The following MSANTD2 variants were observed in gnomAD, a reference collection of about 807,000 sequenced individuals.
MSANTD2 encodes myb/SANT-like DNA-binding domain-containing protein 2.
In MSANTD2, 19 loss-of-function variants were observed where a neutral mutation model predicts 52.6. That is an observed-to-expected ratio of 0.36 (90% CI 0.25 to 0.53). The LOEUF is 0.53. Among genes scored for constraint, MSANTD2 ranks in the 20% least tolerant of loss-of-function variants. The pLI, the probability that MSANTD2 is intolerant of heterozygous loss-of-function variation, is 0.91. For synonymous variants in MSANTD2, 291 were observed against 289.7 expected (o/e 1.00, Z -0.04); for missense variants, 558 against 716.3 (o/e 0.78, Z 2.52).
intron 1 of MSANTD2, among the ~76,000 whole-genome samples, chr11:124,778,224 G>A (rs1944819674): frequency 6.6e-6 from 1 of 152,098 alleles, no homozygotes; most frequent in Non-Finnish European, 1.5e-5. Flanking sequence ...ACCTCAATTT[G>A]GCTTTCTTGG....
chr11:124,800,381 C>G lies in MSANTD2; in HGVS notation c.-1G>C, dbSNP rs373880694. The G allele has an allele frequency of 1.6e-4, 242 of 1,510,602 alleles. No individual in the cohort carries two copies. Among genetic ancestry groups the G allele is most frequent in the Non-Finnish European group, 2.0e-4 (227 of 1,129,354 alleles). The allele number at this position is 1,510,602 out of a possible 1,614,324, so 93.6% of individuals were successfully genotyped here. ...GCTCCGAGCCACAGGGCGCAGCCAT[C>G]TTCCAAGCGGCCGCCGCTGCACCGC... On this transcript the variant is annotated 5_prime_UTR_variant, in exon 1 of 4. Coordinates refer to ENST00000374979, the MANE Select transcript of MSANTD2 (RefSeq NM_001308027.2). The surrounding 1 kb of genome is among the most constrained non-coding windows in gnomAD (Gnocchi z 4.3).
intron 1 of MSANTD2, chr11:124,791,085 G>A (rs1945317245): frequency 1.7e-6 from 1 of 583,684 alleles, no homozygotes; most frequent in African/African-American, 1.9e-5. Context: ...GAGATAACGT[G>A]TAAGGGACCA....
At chr11:124,785,539 T>C (rs542904087) in intron 1 of MSANTD2, among the ~76,000 whole-genome samples, 2 of 152,114 alleles carry the variant, frequency 1.3e-5, no homozygotes, top group South Asian at 2.1e-4. Context: ...TGAGGCAAGG[T>C]TGGACCTTGG....
rs148643432 is a variant in MSANTD2 at position 124,795,333 on chromosome 11, C to G, written c.510+4538G>C. Among the ~76,000 whole-genome samples, 260 of 152,308 alleles carry G rather than the reference C, an allele frequency of 1.7e-3. 1 individual carries two copies. The highest frequency in any genetic ancestry group is 6.0e-3 in the African/African-American group (248 of 41,570). On this transcript the variant is annotated intron_variant, in intron 1 of 3. Coordinates refer to ENST00000374979, the MANE Select transcript of MSANTD2 (RefSeq NM_001308027.2). The stretch of plus-strand genomic sequence containing the variant: ...AGACATAAAGCCAACTCTCAAGAGG[C>G]AAATTTTTGGAGAACACCCAAAAAT...
At chr11:124,796,793 C>T (rs1185210200) in intron 1 of MSANTD2, among the ~76,000 whole-genome samples, 1 of 152,066 alleles carries the variant, frequency 6.6e-6, no homozygotes, top group East Asian at 1.9e-4. Flanking sequence ...AAATCTAAAG[C>T]AAAAAGTATT....
intron 1 of MSANTD2, among the ~76,000 whole-genome samples, chr11:124,788,922 T>G (rs1241880672): frequency 7.2e-5 from 11 of 152,242 alleles, no homozygotes; most frequent in Admixed American, 6.5e-4. Flanking sequence ...TTTCCCTAAT[T>G]GTGTTAATTG....
rs1945665842 is a variant in MSANTD2, at chr11:124,800,406, C to T, written c.-26G>A. The T allele has an allele frequency of 6.9e-7, 1 of 1,440,436 alleles. No individual in the cohort carries two copies. Among genetic ancestry groups the T allele is most frequent in the Non-Finnish European group, 9.1e-7 (1 of 1,093,538 alleles). The allele number at this position is 1,440,436 out of a possible 1,614,324, so 89.2% of individuals were successfully genotyped here. ...CTTCCAAGCGGCCGCCGCTGCACCG[C>T]CCGGAAGTGACGCGCCCGCGCATCC... On this transcript the variant is annotated 5_prime_UTR_variant, in exon 1 of 4. Coordinates refer to ENST00000374979, the MANE Select transcript of MSANTD2 (RefSeq NM_001308027.2). The surrounding 1 kb of genome is among the most constrained non-coding windows in gnomAD (Gnocchi z 4.3).
intron 1 of MSANTD2, among the ~76,000 whole-genome samples, chr11:124,793,018 A>T (rs1945379242): frequency 6.6e-6 from 1 of 152,214 alleles, no homozygotes; most frequent in East Asian, 1.9e-4. Context: ...GATATCAAAA[A>T]GATACTGAGT....
intron 1 of MSANTD2, among the ~76,000 whole-genome samples, chr11:124,788,158 A>G (rs1259352345): frequency 1.3e-5 from 2 of 152,082 alleles, no homozygotes; most frequent in Non-Finnish European, 2.9e-5. Context: ...TGACTAACAC[A>G]CTGACATATA....
intron 1 of MSANTD2, among the ~76,000 whole-genome samples, chr11:124,788,956 A>G (rs1213662328): frequency 6.6e-6 from 1 of 152,196 alleles, no homozygotes; most frequent in Non-Finnish European, 1.5e-5. Context: ...TTTAAATATC[A>G]CATTATTTTC....
Position 124,798,234 on chromosome 11 carries a change from T to TAAAAAAAA in MSANTD2, c.510+1629_510+1636dup, listed in dbSNP as rs10601418. Among the ~76,000 whole-genome samples, 795 of 110,410 alleles carry TAAAAAAAA rather than the reference T, an allele frequency of 7.2e-3. 10 individuals are homozygous for TAAAAAAAA. The highest frequency in any genetic ancestry group is 8.7e-3 in the Non-Finnish European group (489 of 56,072). The allele number at this position is 110,410 out of a possible 152,430, so 72.4% of individuals were successfully genotyped here. A position where few individuals can be genotyped will look rare whatever the true frequency, so the allele number is the denominator to read the frequency against. On this transcript the variant is annotated intron_variant, in intron 1 of 3. Coordinates refer to ENST00000374979, the MANE Select transcript of MSANTD2 (RefSeq NM_001308027.2). ...GAGCAACGTAGAAGACCCTGTCTCTTAAAAAAAAAAAAAAAAAAAAAAAAA... is the reference window on the plus strand; with the variant it reads ...GAGCAACGTAGAAGACCCTGTCTCTTAAAAAAAAAAAAAAAAAAAAAAAAAAAAAAAAA...
intron 1 of MSANTD2, chr11:124,792,948 C>T (rs372596464): frequency 6.6e-6 from 1 of 152,170 alleles, no homozygotes; most frequent in East Asian, 1.9e-4. Flanking sequence ...CCCTGTTTCC[C>T]TCTGGCTTTC....
At chr11:124,780,742 G>A (rs1186053359) in intron 1 of MSANTD2, among the ~76,000 whole-genome samples, 1 of 152,184 alleles carries the variant, frequency 6.6e-6, no homozygotes, top group Non-Finnish European at 1.5e-5. Context: ...AGATTTTATA[G>A]GAGATTCTAA....
At chr11:124,768,897 G>T (rs1350841343) in intron 3 of MSANTD2, among the ~76,000 whole-genome samples, 1 of 152,142 alleles carries the variant, frequency 6.6e-6, no homozygotes, top group Admixed American at 6.5e-5. Context: ...CATGTAATTT[G>T]TATATATATG....
Position 124,799,455 on chromosome 11 carries a change from C to G in MSANTD2, c.510+416G>C, listed in dbSNP as rs540595183. ...CCTAAACTAGGGGCTCAATGCCCCC[C>G]CCTTCTGCCCTTCCTCAATCCTGCC... is the stretch of plus-strand genomic sequence containing the variant. On this transcript the variant is annotated intron_variant, in intron 1 of 3. Transcript: ENST00000374979. Among the ~76,000 whole-genome samples, 48 of 152,346 alleles carry G rather than the reference C, an allele frequency of 3.2e-4. No homozygotes were observed. In the East Asian group the frequency reaches 7.2e-3, roughly 23 times the overall value.
In MSANTD2 at chr11:124,767,688, T is replaced by C. The variant is rs745787951; in HGVS notation, c.1168A>G (p.Met390Val). 2 of 1,614,258 alleles carry C rather than the reference T, an allele frequency of 1.2e-6. No homozygotes were observed. The highest frequency in any genetic ancestry group is 1.7e-6 in the Non-Finnish European group (2 of 1,180,042). Residue 390 changes from methionine (M) to valine (V), a missense_variant, in exon 4 of 4, where the codon ATG becomes GTG. By Grantham distance (21) the Met-to-Val change is conservative. Coordinates refer to ENST00000374979, the MANE Select transcript of MSANTD2 (RefSeq NM_001308027.2). The surrounding 1 kb of genome is among the most constrained non-coding windows in gnomAD (Gnocchi z 6.5). ...GCAATGGGTATCCAGTCAATTTCCA[T>C]GTGCAGCTCCAAGCACCTAGCTTCG... ...ISEARCLELHMEIDWIPIAHS... is the reference protein window; with the variant it reads ...ISEARCLELHVEIDWIPIAHS...
At chr11:124,773,193 G>A (rs776742242) in intron 2 of MSANTD2, 139 bp from the exon 3 acceptor site, 10 of 582,116 alleles carry the variant, frequency 1.7e-5, no homozygotes, top group Non-Finnish European at 2.7e-5. Context: ...ACTGTCCAAT[G>A]TCAGATTTAT....
intron 1 of MSANTD2, among the ~76,000 whole-genome samples, chr11:124,785,405 C>T (rs566546282): frequency 2.0e-5 from 3 of 152,336 alleles, no homozygotes; most frequent in Admixed American, 1.3e-4. Flanking sequence ...GGGAACCACA[C>T]ATGTGAGAGA....
intron 1 of MSANTD2, chr11:124,791,428 A>C (rs878919152): frequency 1.4e-5 from 18 of 1,323,020 alleles, no homozygotes; most frequent in South Asian, 1.2e-4. Context: ...GGTGAGTGAG[A>C]AGCACAGACT....
Sources: gnomAD v4.1 joint callset for allele counts (sites outside exome capture counted in the v4.1 genomes callset) on GRCh38, gnomAD v4.1.1 for gene constraint, Gnocchi (gnomAD v3.1) non-coding constraint, MANE v1.5 for transcripts, NCBI Gene and HGNC (gene_info 2026-07-23, HGNC 2026-07-21) for gene names.